Variants in ZNF385A observed in about 807,000 individuals in gnomAD.
ZNF385A encodes the protein hematopoietic zinc finger protein.
A neutral mutation model predicts 32.1 loss-of-function variants in ZNF385A; 14 were observed. The ratio of observed to expected loss-of-function variants is 0.44; its 90% CI spans 0.29 to 0.68. The LOEUF (loss-of-function observed/expected upper bound fraction) is 0.68, where lower values mean the gene tolerates loss of function less well. Ranked by LOEUF, ZNF385A falls within the 30% of genes least tolerant of loss-of-function variation. ZNF385A has a pLI of 0.14. For synonymous variants in ZNF385A, 197 were observed against 202.7 expected, an observed-to-expected ratio of 0.97 and a Z score of 0.24; for missense variants, 406 against 478.4, an observed-to-expected ratio of 0.85 and a Z score of 1.41.
In ZNF385A at chr12:54,377,688, C is replaced by T. The variant is rs540993238; in HGVS notation, c.88-1734G>A. Among the ~76,000 whole-genome samples, 6 of 152,264 alleles carry T rather than the reference C, an allele frequency of 3.9e-5. No homozygotes were observed. In the South Asian group the frequency reaches 1.2e-3, roughly 32 times the overall value. Reference sequence around the variant, plus strand: ...ATCAGAAAGGGGAGACAGACTGCTGCTCTCAGTTCCCAGTCTCCAGGCCTT... The same window carrying T: ...ATCAGAAAGGGGAGACAGACTGCTGTTCTCAGTTCCCAGTCTCCAGGCCTT... On this transcript the variant is annotated intron_variant, in intron 1 of 6. Transcript: ENST00000394313.
intron 1 of ZNF385A, chr12:54,378,966 G>A (rs1954986782): frequency 1.3e-6 from 1 of 759,516 alleles, no homozygotes; most frequent in Non-Finnish European, 1.6e-6. Context: ...ACTAGGCAGA[G>A]GGAGCGGTAG....
At chr12:54,374,201 G>GAA (rs2137192146) in intron 2 of ZNF385A, 66 bp from the exon 3 acceptor site, 3 of 1,409,144 alleles carry the variant, frequency 2.1e-6, no homozygotes, top group Non-Finnish European at 2.8e-6. Flanking sequence ...TCCCCACAGA[G>GAA]CTCCCTCAAG....
chr12:54,385,549 GGTTCCCA>G, upstream of ZNF385A: 3 of 779,798 alleles, frequency 3.8e-6, no homozygotes, highest in Non-Finnish European at 4.7e-6. Flanking sequence ...CAGCAACAGG[GGTTCCCA>G]GGAACAAAGG....
At chr12:54,391,180 G>A in intron 1 of ZNF385A, 14 of 1,463,038 alleles carry the variant, frequency 9.6e-6, no homozygotes, top group Non-Finnish European at 1.3e-5. Context: ...GGCGGTGGGT[G>A]ACCCACAGAG....
At chr12:54,380,445 C>G (rs962679551) in intron 1 of ZNF385A, among the ~76,000 whole-genome samples, 1 of 152,202 alleles carries the variant, frequency 6.6e-6, no homozygotes, top group Non-Finnish European at 1.5e-5. Context: ...CCTGGGCAGT[C>G]TGACTCCAAA....
chr12:54,374,550 T>C lies in ZNF385A; in HGVS notation c.199-415A>G, dbSNP rs538105779. Among the ~76,000 whole-genome samples, 3 of 152,252 alleles carry C rather than the reference T, an allele frequency of 2.0e-5. No homozygotes were observed. In the South Asian group the frequency reaches 6.2e-4, roughly 32 times the overall value. ...GTCCTCTGCCCCTAGGATCCAGCCT[T>C]TGCTGCTTTCACCCTGAGGCTGGAA... On this transcript the variant is annotated intron_variant, in intron 2 of 6. Transcript: ENST00000394313.
At chr12:54,386,389 C>T (rs767765798), upstream of ZNF385A, among the ~76,000 whole-genome samples, 3 of 152,066 alleles carry the variant, frequency 2.0e-5, no homozygotes, top group Non-Finnish European at 2.9e-5. Context: ...GGACACAGAA[C>T]TAGAGACTAG....
chr12:54,376,372 G>A (rs1954850980), intron 1 of ZNF385A, among the ~76,000 whole-genome samples: 1 of 152,058 alleles, frequency 6.6e-6, no homozygotes, highest in South Asian at 2.1e-4. Context: ...GCCTTCAGCT[G>A]AAGCCTCTGA....
rs1383468881 is a variant in ZNF385A at position 54,370,383 on chromosome 12, G to C, written c.974C>G (p.Pro325Arg). 1 of 1,525,058 alleles carries C rather than the reference G, an allele frequency of 6.6e-7. No homozygotes were observed. The highest frequency in any genetic ancestry group is 8.8e-7 in the Non-Finnish European group (1 of 1,134,326). The allele number at this position is 1,525,058 out of a possible 1,614,324, so 94.5% of individuals were successfully genotyped here. The change falls in exon 7 of 7, where the codon CCG becomes CGG. Residue 325 changes from proline to arginine, a missense_variant. By Grantham distance (103) the Pro-to-Arg change is moderately radical (BLOSUM62 -2). Transcript: ENST00000394313. The surrounding 1 kb of genome is among the most constrained non-coding windows in gnomAD (Gnocchi z 5.5). ...GGCTGGAGCCGGGCGCAGGGACAGC[G>C]GCGAGCCTGCTGCCGCTGCCATCAC... ...AAVMAAAAGS[P>R]LSLRPAPAAP...
In ZNF385A at chr12:54,371,655, G is replaced by A. The variant is rs1954559872; in HGVS notation, c.422C>T (p.Pro141Leu). 3 of 1,610,806 alleles carry A rather than the reference G, an allele frequency of 1.9e-6. No homozygotes were observed. Among genetic ancestry groups the A allele is most frequent in the Non-Finnish European group, 2.5e-6 (3 of 1,179,006 alleles). ...PGSPEKQPGS[P>L]SPPSIPETGQ... ...AGTCTCCGGAATGCTGGGAGGGGAT[G>A]GGGAGCCAGGCTGTTTCTCTGGGGA... The change falls in exon 4 of 7, where the codon CCA (proline) becomes CTA (leucine). Residue 141 changes from proline (P) to leucine (L), a missense_variant. Physicochemically the swap from Pro to Leu is moderately conservative, Grantham distance 98. Coordinates refer to ENST00000394313, the MANE Select transcript of ZNF385A (RefSeq NM_015481.3).
At chr12:54,382,339 G>A (rs1351359706) in intron 1 of ZNF385A, among the ~76,000 whole-genome samples, 2 of 152,018 alleles carry the variant, frequency 1.3e-5, no homozygotes, top group African/African-American at 2.4e-5. Flanking sequence ...CTCCCAAAGT[G>A]CTGGGATTAC....
Position 54,369,945 on chromosome 12 carries a change from A to C in ZNF385A, c.*311T>G. The C allele has an allele frequency of 3.5e-6, 1 of 282,312 alleles. No homozygotes were observed. The highest frequency in any genetic ancestry group is 6.6e-6 in the Non-Finnish European group (1 of 151,212). The allele number at this position is 282,312 out of a possible 1,614,324, so 17.5% of individuals were successfully genotyped here. A position where few individuals can be genotyped will look rare whatever the true frequency, so the allele number is the denominator to read the frequency against. On this transcript the variant is annotated 3_prime_UTR_variant, in exon 7 of 7. Transcript: ENST00000394313. ...CCCGTTTTGTGCTAGGTTTGGGGGG[A>C]AGGGCTGGATGGACATGGCTTTTGG...
chr12:54,376,054 C>T, intron 1 of ZNF385A, 100 bp from the exon 2 acceptor site: 1 of 874,822 alleles, frequency 1.1e-6, no homozygotes, highest in South Asian at 1.4e-5. Context: ...CCCCAGACCC[C>T]TTCTATCCCT....
Position 54,370,584 on chromosome 12 carries a change from C to T in ZNF385A, c.870+42G>A, listed in dbSNP as rs1468794199. The T allele has an allele frequency of 6.4e-7, 1 of 1,561,958 alleles. No individual in the cohort carries two copies. The highest frequency in any genetic ancestry group is 8.7e-7 in the Non-Finnish European group (1 of 1,152,818). On this transcript the variant is annotated intron_variant, in intron 6 of 6. Coordinates refer to ENST00000394313, the MANE Select transcript of ZNF385A (RefSeq NM_015481.3). This position sits in a 1 kb window ranked among gnomAD's most constrained non-coding sequence, Gnocchi z 5.5. ...GCCCGCGTCCCTCTCTCCTCCCCGC[C>T]CGCGCCCTCCCACTGCTGAATTCCC...
At chr12:54,388,046 A>AGTGTGTGTGTGT (rs10665764), upstream of ZNF385A, among the ~76,000 whole-genome samples, 1,598 of 140,508 alleles carry the variant, frequency 0.011, 25 homozygotes, top group African/African-American at 0.038. Flanking sequence ...AGTGTGTGTA[A>AGTGTGTGTGTGT]GTGTGTGTGT....
At chr12:54,385,740 G>A (rs1488895331), upstream of ZNF385A, 1 of 896,048 alleles carries the variant, frequency 1.1e-6, no homozygotes, top group South Asian at 5.1e-5. Flanking sequence ...GCCTGGGCCT[G>A]ACAGCGTCCC....
At chr12:54,380,036 G>A (rs964538585) in intron 1 of ZNF385A, among the ~76,000 whole-genome samples, 1 of 152,210 alleles carries the variant, frequency 6.6e-6, no homozygotes, top group Non-Finnish European at 1.5e-5. Context: ...AGAGAGGGTG[G>A]CTTTGGGAAA....
At chr12:54,387,668 CCT>C (rs1955529684), upstream of ZNF385A, among the ~76,000 whole-genome samples, 5 of 152,324 alleles carry the variant, frequency 3.3e-5, no homozygotes, top group Admixed American at 2.6e-4. Flanking sequence ...ACACTACTTG[CCT>C]CACCAAGTTG....
rs745616068 is a variant in ZNF385A, at chr12:54,370,009, G to GC, written c.*246dup. 38 of 401,570 alleles carry GC rather than the reference G, an allele frequency of 9.5e-5. No homozygotes were observed. The Admixed American group carries it at 1.1e-3, about 12-fold the overall frequency. 24.9% of individuals were successfully genotyped at this position (401,570 alleles called of 1,614,324 possible). On this transcript the variant is annotated 3_prime_UTR_variant, in exon 7 of 7. Coordinates refer to ENST00000394313, the MANE Select transcript of ZNF385A (RefSeq NM_015481.3). The surrounding 1 kb of genome is among the most constrained non-coding windows in gnomAD (Gnocchi z 5.5). Reference sequence around the variant, plus strand: ...TCCAAGGGGGCTCGGGGGTGAGACGGCCCCCCCTTTTCTAGGGGAGAGGGA... The same window carrying GC: ...TCCAAGGGGGCTCGGGGGTGAGACGGCCCCCCCCTTTTCTAGGGGAGAGGGA...
Sources: gnomAD v4.1 joint callset for allele counts (sites outside exome capture counted in the v4.1 genomes callset) on GRCh38, gnomAD v4.1.1 for gene constraint, Gnocchi (gnomAD v3.1) non-coding constraint, MANE v1.5 for transcripts, NCBI Gene and HGNC (gene_info 2026-07-23, HGNC 2026-07-21) for gene names.